Variants in WDFY4 observed in about 807,000 individuals in gnomAD.
WDFY4 encodes WD repeat- and FYVE domain-containing protein 4.
Under a neutral mutation model 351.9 loss-of-function variants are expected in WDFY4, and 169 were observed. That is an observed-to-expected ratio of 0.48 (90% CI 0.42 to 0.55). The LOEUF (loss-of-function observed/expected upper bound fraction) is 0.55, where lower values mean the gene tolerates loss of function less well. WDFY4 is among the 20% of genes least tolerant of loss of function. The pLI, the probability that WDFY4 is intolerant of heterozygous loss-of-function variation, is 0.00. For missense variants in WDFY4, 3,803 were observed against 3,935.6 expected, an observed-to-expected ratio of 0.97 and a Z score of 0.90; for synonymous variants, 1,622 against 1,574.6, an observed-to-expected ratio of 1.03 and a Z score of -0.71.
At chr10:48,956,690 A>G (rs1841607025) in intron 51 of WDFY4, among the ~76,000 whole-genome samples, 2 of 151,890 alleles carry the variant, frequency 1.3e-5, no homozygotes, top group South Asian at 2.1e-4. Flanking sequence ...TCTTTGTCCT[A>G]TGGTTGGTTC....
chr10:48,793,621 C>T (rs116183705), intron 23 of WDFY4, among the ~76,000 whole-genome samples: 172 of 152,198 alleles, frequency 1.1e-3, no homozygotes, highest in African/African-American at 3.6e-3. Context: ...TGTCTGCTTC[C>T]GTATTGCCAC....
intron 53 of WDFY4, among the ~76,000 whole-genome samples, chr10:48,961,001 A>T (rs1841835448): frequency 1.3e-5 from 2 of 152,220 alleles, no homozygotes; most frequent in African/African-American, 4.8e-5. Flanking sequence ...GACTGTGGTG[A>T]TGGTTACATG....
intron 4 of WDFY4, among the ~76,000 whole-genome samples, chr10:48,721,911 T>C (rs756939047): frequency 6.6e-6 from 1 of 152,198 alleles, no homozygotes; most frequent in Non-Finnish European, 1.5e-5. Context: ...ACATTCCCTG[T>C]AGGTACCTGT....
In WDFY4 at chr10:48,823,351, G is replaced by A. The variant is rs878946047; in HGVS notation, c.5982+814G>A. 2.0e-5 allele frequency: 26 copies of A among 1,269,046 alleles called. No individual in the cohort carries two copies. In the South Asian group the frequency reaches 3.1e-4, roughly 15 times the overall value. 78.6% of individuals were successfully genotyped at this position (1,269,046 alleles called of 1,614,324 possible). A position where few individuals can be genotyped will look rare whatever the true frequency, so the allele number is the denominator to read the frequency against. ...GTTATCAAGCTGGGATCTACCTCCA[G>A]CAACTCCTGCCAGCAGTCCTGGTTA... On this transcript the variant is annotated intron_variant, in intron 35 of 61. Coordinates refer to ENST00000325239, the MANE Select transcript of WDFY4 (RefSeq NM_001394531.1).
chr10:48,945,102 G>A (rs955111002), intron 49 of WDFY4, among the ~76,000 whole-genome samples: 11 of 152,206 alleles, frequency 7.2e-5, no homozygotes, highest in African/African-American at 1.4e-4. Context: ...TGAGCCAGGC[G>A]CAGTGGCTTA....
At chr10:48,951,514 G>A (rs556402009) in intron 51 of WDFY4, among the ~76,000 whole-genome samples, 2 of 152,150 alleles carry the variant, frequency 1.3e-5, no homozygotes, top group Non-Finnish European at 2.9e-5. Flanking sequence ...TCCAGGGCTC[G>A]AGCAATTTTC....
intron 43 of WDFY4, among the ~76,000 whole-genome samples, chr10:48,884,653 A>G (rs1348067350): frequency 6.6e-6 from 1 of 152,162 alleles, no homozygotes; most frequent in Non-Finnish European, 1.5e-5. Context: ...CTTTTTAATT[A>G]TACAGAACTA....
At chr10:48,868,614 C>T (rs563343334) in intron 40 of WDFY4, among the ~76,000 whole-genome samples, 1 of 152,246 alleles carries the variant, frequency 6.6e-6, no homozygotes, top group South Asian at 2.1e-4. Context: ...AGCAATATGG[C>T]TGATAAATTT....
In WDFY4 at chr10:48,776,884, C is replaced by T; in HGVS notation, c.2998C>T (p.Leu1000=). 6.4e-7 allele frequency: 1 copy of T among 1,552,042 alleles called. No homozygotes were observed. Among genetic ancestry groups the T allele is most frequent in the South Asian group, 1.2e-5 (1 of 84,066 alleles). Residue 1000 remains leucine (L), a synonymous_variant, in exon 16 of 62, where the codon CTG becomes TTG. Coordinates refer to ENST00000325239, the MANE Select transcript of WDFY4 (RefSeq NM_001394531.1). The stretch of plus-strand genomic sequence containing the variant: ...TTCAACTACTGCTCTTCAGACGGCG[C>T]TGAGCCTCATCTCCATGACCTCCCC... ...QDSTTALQTA[L]SLISMTSPRN...
Position 48,832,664 on chromosome 10 carries a change from G to A in WDFY4, c.6618G>A (p.Lys2206=). The A allele has an allele frequency of 6.4e-7, 1 of 1,550,816 alleles. No homozygotes were observed. Among genetic ancestry groups the A allele is most frequent in the Admixed American group, 2.0e-5 (1 of 50,868 alleles). The change falls in exon 39 of 62, where the codon AAG becomes AAA. Residue 2206 remains lysine (K), a synonymous_variant. Coordinates refer to ENST00000325239, the MANE Select transcript of WDFY4 (RefSeq NM_001394531.1). ...GTGGAAGCCTGTCCTCAGCCATGAA[G>A]CTGATGCCCGGGCGGCAGGCCAAGG... ...LWSGSLSSAM[K]LMPGRQAKDP...
chr10:48,875,020 A>G, intron 41 of WDFY4, 69 bp from the exon 42 acceptor site: 1 of 963,376 alleles, frequency 1.0e-6, no homozygotes, highest in Non-Finnish European at 1.5e-6. Flanking sequence ...AATCTGTGGA[A>G]TTGGAGGTGA....
chr10:48,975,337 G>A (rs1253284150), intron 58 of WDFY4, among the ~76,000 whole-genome samples: 1 of 152,188 alleles, frequency 6.6e-6, no homozygotes, highest in Admixed American at 6.5e-5. Context: ...TTTGTTGGAT[G>A]TGGCTGACTC....
intron 34 of WDFY4, among the ~76,000 whole-genome samples, chr10:48,821,436 C>A (rs538877601): frequency 2.0e-4 from 30 of 152,180 alleles, no homozygotes; most frequent in Non-Finnish European, 3.4e-4. Flanking sequence ...AAGCAAAAAT[C>A]GGCTCTCCTG....
At chr10:48,965,133 C>A (rs1419248861) in intron 54 of WDFY4, among the ~76,000 whole-genome samples, 1 of 152,176 alleles carries the variant, frequency 6.6e-6, no homozygotes, top group East Asian at 1.9e-4. Context: ...TAATACAAAG[C>A]AACAAAATAA....
intron 1 of WDFY4, among the ~76,000 whole-genome samples, chr10:48,708,622 A>G (rs1421703748): frequency 6.6e-6 from 1 of 152,198 alleles, no homozygotes; most frequent in East Asian, 1.9e-4. Context: ...TTGACTGACA[A>G]CTTTTGAAGG....
At chr10:48,833,567 T>C (rs901547086) in intron 39 of WDFY4, among the ~76,000 whole-genome samples, 1 of 152,190 alleles carries the variant, frequency 6.6e-6, no homozygotes, top group African/African-American at 2.4e-5. Flanking sequence ...GGAAATAGAC[T>C]CCACCTTCTC....
intron 48 of WDFY4, 84 bp from the exon 49 acceptor site, chr10:48,943,246 C>T: frequency 4.7e-6 from 7 of 1,483,152 alleles, no homozygotes; most frequent in Non-Finnish European, 6.3e-6. Flanking sequence ...CCAGGGCCTG[C>T]TGCCGAGGCC....
intron 54 of WDFY4, 84 bp from the exon 55 acceptor site, chr10:48,966,442 C>T (rs1168031165): frequency 4.9e-6 from 7 of 1,416,370 alleles, no homozygotes; most frequent in Non-Finnish European, 6.6e-6. Context: ...CCCCCAGAGA[C>T]AGGGTGCAGC....
chr10:48,916,244 C>T (rs949015845), intron 47 of WDFY4, among the ~76,000 whole-genome samples: 10 of 152,214 alleles, frequency 6.6e-5, no homozygotes, highest in African/African-American at 2.2e-4. Flanking sequence ...GAACACAAAA[C>T]TTTGCACCAG....
Sources: allele counts gnomAD v4.1 joint callset (sites outside exome capture counted in the v4.1 genomes callset), GRCh38; gene constraint gnomAD v4.1.1; transcripts MANE v1.5; gene names NCBI Gene and HGNC (gene_info 2026-07-23, HGNC 2026-07-21).